CLVS1: variants seen among roughly 807,000 people sequenced by gnomAD.
The protein encoded by CLVS1 is clavesin-1.
Under a neutral mutation model 33.1 loss-of-function variants are expected in CLVS1, and 10 were observed. That is an observed-to-expected ratio of 0.30 (90% CI 0.19 to 0.51). The LOEUF (loss-of-function observed/expected upper bound fraction) is 0.51. CLVS1 is among the 20% of genes least tolerant of loss of function. The probability of loss-of-function intolerance (pLI) is 0.97; values close to 1 mark genes in which losing one functional copy is unlikely to be tolerated. For missense variants in CLVS1, 343 were observed against 433.4 expected (o/e 0.79, Z 1.85); for synonymous variants, 163 against 166.1 (o/e 0.98, Z 0.14).
chr8:61,148,148 A>C (rs1484404517), intron 2 of CLVS1, among the ~76,000 whole-genome samples: 1 of 152,242 alleles, frequency 6.6e-6, no homozygotes, highest in Non-Finnish European at 1.5e-5. Flanking sequence ...TTGGGTCCTG[A>C]ATGAATGTAT....
chr8:61,420,993 C>A (rs1188482741), intron 3 of CLVS1, among the ~76,000 whole-genome samples: 1 of 152,028 alleles, frequency 6.6e-6, no homozygotes, highest in African/African-American at 2.4e-5. Context: ...AAGAAACAAA[C>A]AAAAATCAAA....
In CLVS1 at chr8:61,308,679, A is replaced by G. The variant is rs115247538; in HGVS notation, c.455+8397A>G. Among the ~76,000 whole-genome samples, 1,320 of 152,282 alleles carry G rather than the reference A, an allele frequency of 8.7e-3. 17 individuals are homozygous for G. Among genetic ancestry groups the G allele is most frequent in the African/African-American group, 0.03 (1,247 of 41,566 alleles). Reference sequence around the variant, plus strand: ...CTGGGGCCCACCTGGAGAGCCCTCGATGGAGACTGTCTAGAAACATCTTAA... The same window carrying G: ...CTGGGGCCCACCTGGAGAGCCCTCGGTGGAGACTGTCTAGAAACATCTTAA... On this transcript the variant is annotated intron_variant, in intron 2 of 5. Transcript: ENST00000325897.
At chr8:61,267,925 T>C (rs1809345061) in intron 2 of CLVS1, among the ~76,000 whole-genome samples, 1 of 152,226 alleles carries the variant, frequency 6.6e-6, no homozygotes, top group Non-Finnish European at 1.5e-5. Flanking sequence ...AAAAAGGCTA[T>C]TAATTAACTC....
chr8:61,482,537 G>C (rs1310301526), intron 5 of CLVS1, among the ~76,000 whole-genome samples: 1 of 152,044 alleles, frequency 6.6e-6, no homozygotes, highest in Non-Finnish European at 1.5e-5. Flanking sequence ...GAAAACCATG[G>C]CACAAGAACT....
intron 5 of CLVS1, among the ~76,000 whole-genome samples, chr8:61,485,745 C>A (rs549988232): frequency 1.3e-3 from 204 of 152,332 alleles, no homozygotes; most frequent in Non-Finnish European, 2.1e-3. Flanking sequence ...CACATATACA[C>A]CATGGAATAC....
chr8:61,094,036 C>T (rs1476644754), intron 1 of CLVS1, among the ~76,000 whole-genome samples: 1 of 152,228 alleles, frequency 6.6e-6, no homozygotes, highest in African/African-American at 2.4e-5. Context: ...CCGTGAGCCT[C>T]GGGCTCACTG....
chr8:61,074,527 A>C (rs1480702853), intron 1 of CLVS1, among the ~76,000 whole-genome samples: 3 of 149,438 alleles, frequency 2.0e-5, no homozygotes, highest in Non-Finnish European at 4.4e-5. Context: ...ATATGCAAAT[A>C]AAATCTCTCT....
At chr8:61,275,772 T>A (rs1809551121) in intron 2 of CLVS1, among the ~76,000 whole-genome samples, 1 of 152,194 alleles carries the variant, frequency 6.6e-6, no homozygotes, top group Non-Finnish European at 1.5e-5. Flanking sequence ...CTCTCAAAGG[T>A]CTTACCTTTA....
At chr8:61,051,741 G>C in the CLVS1 span, among the ~76,000 whole-genome samples, 11 of 152,228 alleles carry the variant, frequency 7.2e-5, no homozygotes, top group Non-Finnish European at 1.5e-4. Flanking sequence ...CATGTTTTCT[G>C]TTCCCTCATT....
chr8:61,239,470 C>T lies in CLVS1; in HGVS notation c.-151-60207C>T, dbSNP rs571811729. The stretch of plus-strand genomic sequence containing the variant: ...TTTTTTAACCAGGTGTGGTGGCTCA[C>T]GCCTGTAATCCTAGCACTTTGGGAG... On this transcript the variant is annotated intron_variant, in intron 2 of 2. Coordinates refer to the CLVS1 transcript ENST00000522621. Among the ~76,000 whole-genome samples the T allele has an allele frequency of 3.2e-4, 49 of 152,208 alleles. No homozygotes were observed. The Middle Eastern group carries it at 0.01, about 32-fold the overall frequency.
chr8:61,054,110 A>G (rs1004664950), upstream of CLVS1, among the ~76,000 whole-genome samples: 57 of 152,204 alleles, frequency 3.7e-4, no homozygotes, highest in African/African-American at 1.3e-3. Flanking sequence ...CGCTTCCTCA[A>G]TAGTGGGAGT....
At chr8:61,117,063 G>A (rs2129289149) in intron 1 of CLVS1, among the ~76,000 whole-genome samples, 1 of 119,116 alleles carries the variant, frequency 8.4e-6, no homozygotes, top group East Asian at 2.3e-4. Flanking sequence ...GTGGTTTGTA[G>A]TTCTCCTTGA....
chr8:61,253,801 T>G (rs745892632), intron 2 of CLVS1, among the ~76,000 whole-genome samples: 23 of 152,194 alleles, frequency 1.5e-4, no homozygotes, highest in Non-Finnish European at 2.9e-4. Context: ...TCTGCATTGG[T>G]TATTCTAGTT....
At chr8:61,092,683 C>T (rs771783161) in intron 1 of CLVS1, among the ~76,000 whole-genome samples, 13 of 152,304 alleles carry the variant, frequency 8.5e-5, no homozygotes, top group Non-Finnish European at 1.6e-4. Flanking sequence ...CACTCAGAGA[C>T]GGATTCTTCT....
intron 1 of CLVS1, among the ~76,000 whole-genome samples, chr8:61,108,217 CA>C (rs577723258): frequency 5.6e-3 from 389 of 69,058 alleles, no homozygotes; most frequent in Middle Eastern, 0.025. Context: ...GACTCCGTCT[CA>C]AAAAAAAAAA....
chr8:61,056,104 A>C (rs1036903498), upstream of CLVS1, among the ~76,000 whole-genome samples: 1 of 152,186 alleles, frequency 6.6e-6, no homozygotes, highest in Non-Finnish European at 1.5e-5. Flanking sequence ...GACCATGGTC[A>C]CACCTCCCTG....
intron 1 of CLVS1, among the ~76,000 whole-genome samples, chr8:61,298,130 G>A (rs1376721010): frequency 6.6e-6 from 1 of 152,140 alleles, no homozygotes; most frequent in Non-Finnish European, 1.5e-5. Flanking sequence ...ATGAGTGTAG[G>A]GAAGAACTGG....
chr8:61,137,343 C>T (rs916650290), intron 2 of CLVS1, among the ~76,000 whole-genome samples: 16 of 152,160 alleles, frequency 1.1e-4, no homozygotes, highest in African/African-American at 3.1e-4. Flanking sequence ...TTGGAAGTCA[C>T]GGAACCTGAG....
intron 1 of CLVS1, among the ~76,000 whole-genome samples, chr8:61,108,413 C>T (rs897466784): frequency 6.6e-6 from 1 of 152,248 alleles, no homozygotes; most frequent in East Asian, 1.9e-4. Flanking sequence ...TTTTGCAATT[C>T]TGGTATCCAA....
Sources: allele counts gnomAD v4.1 joint callset (sites outside exome capture counted in the v4.1 genomes callset), GRCh38; gene constraint gnomAD v4.1.1; transcripts MANE v1.5; gene names NCBI Gene and HGNC (gene_info 2026-07-23, HGNC 2026-07-21).